The following TMEM132D variants were observed in gnomAD, a reference collection of about 807,000 sequenced individuals.
The protein encoded by TMEM132D is mature OL transmembrane protein.
TMEM132D carries 21 observed loss-of-function variants against 62.3 expected under a neutral mutation model. That is an observed-to-expected ratio of 0.34 (90% confidence interval 0.24 to 0.49). The LOEUF is 0.49. Among genes scored for constraint, TMEM132D ranks in the 20% least tolerant of loss-of-function variants. The pLI, the probability that TMEM132D is intolerant of heterozygous loss-of-function variation, is 0.99. For synonymous variants in TMEM132D, 621 were observed against 575.6 expected, an observed-to-expected ratio of 1.08 and a Z score of -1.13; for missense variants, 1,346 against 1,402.8, an observed-to-expected ratio of 0.96 and a Z score of 0.65.
intron 3 of TMEM132D, among the ~76,000 whole-genome samples, chr12:129,361,025 G>A (rs1181617347): frequency 6.6e-6 from 1 of 152,148 alleles, no homozygotes; most frequent in Non-Finnish European, 1.5e-5. Context: ...ATCCTGGGGT[G>A]CACCGGGACA....
chr12:129,153,231 G>C (rs920300025), intron 5 of TMEM132D, among the ~76,000 whole-genome samples: 4 of 152,260 alleles, frequency 2.6e-5, no homozygotes, highest in African/African-American at 9.6e-5. Context: ...CAGACACTGG[G>C]AGGAAAGGAG....
intron 4 of TMEM132D, among the ~76,000 whole-genome samples, chr12:129,295,115 G>A (rs1881535987): frequency 6.6e-6 from 1 of 152,228 alleles, no homozygotes; most frequent in South Asian, 2.1e-4. Flanking sequence ...CTGCAAGGAA[G>A]AGAGAATTCT....
At chr12:129,400,753 T>C (rs1593365526) in intron 3 of TMEM132D, among the ~76,000 whole-genome samples, 2 of 152,176 alleles carry the variant, frequency 1.3e-5, no homozygotes, top group South Asian at 2.1e-4. Context: ...TTGGGGAAAA[T>C]ATGTAATCTT....
At chr12:129,602,625 C>T (rs1878510936) in intron 2 of TMEM132D, among the ~76,000 whole-genome samples, 2 of 152,104 alleles carry the variant, frequency 1.3e-5, no homozygotes, top group African/African-American at 4.8e-5. Flanking sequence ...TTCAACAGAC[C>T]TTGTTTTTCA....
intron 1 of TMEM132D, among the ~76,000 whole-genome samples, chr12:129,783,519 C>T (rs780512850): frequency 5.3e-5 from 8 of 152,118 alleles, no homozygotes; most frequent in Non-Finnish European, 7.3e-5. Context: ...TGTGAACAAA[C>T]GAGAATTATA....
At chr12:129,832,430 A>G (rs997704301) in intron 1 of TMEM132D, among the ~76,000 whole-genome samples, 4 of 152,082 alleles carry the variant, frequency 2.6e-5, no homozygotes. Context: ...CATATCGAAT[A>G]GGACATATAT....
chr12:129,415,623 A>G (rs1355553047), intron 3 of TMEM132D, among the ~76,000 whole-genome samples: 1 of 152,212 alleles, frequency 6.6e-6, no homozygotes, highest in Non-Finnish European at 1.5e-5. Flanking sequence ...CTTTCTCAGC[A>G]GAGTCTACCT....
intron 1 of TMEM132D, chr12:129,853,630 G>T (rs1256837875): frequency 6.6e-6 from 1 of 152,170 alleles, no homozygotes; most frequent in Non-Finnish European, 1.5e-5. Context: ...TGGCACATGG[G>T]AGGTCGTGGC....
intron 1 of TMEM132D, among the ~76,000 whole-genome samples, chr12:129,771,432 G>A (rs1870748717): frequency 6.6e-6 from 1 of 152,212 alleles, no homozygotes; most frequent in African/African-American, 2.4e-5. Flanking sequence ...GTAATTGCCA[G>A]GTAAGCATCC....
chr12:129,745,729 T>A (rs534262945), intron 1 of TMEM132D, among the ~76,000 whole-genome samples: 6 of 152,204 alleles, frequency 3.9e-5, no homozygotes, highest in Non-Finnish European at 8.8e-5. Context: ...TGGAGGTAAC[T>A]CTGGAACAGA....
At chr12:129,774,181 C>T (rs1870847077) in intron 1 of TMEM132D, among the ~76,000 whole-genome samples, 1 of 152,176 alleles carries the variant, frequency 6.6e-6, no homozygotes, top group South Asian at 2.1e-4. Flanking sequence ...CCCAGGCCCC[C>T]CCAAAGAAGG....
intron 5 of TMEM132D, among the ~76,000 whole-genome samples, chr12:129,103,395 A>C (rs1593261917): frequency 6.6e-6 from 1 of 151,984 alleles, no homozygotes; most frequent in South Asian, 2.1e-4. Context: ...CCATGCCCCC[A>C]CCTCGGAGGC....
At chr12:129,092,303 CTTTT>C (rs3045890) in intron 5 of TMEM132D, among the ~76,000 whole-genome samples, 1 of 133,898 alleles carries the variant, frequency 7.5e-6, no homozygotes, top group African/African-American at 2.8e-5. Flanking sequence ...TCTCTCTTTC[CTTTT>C]TTTTTTTTTT....
chr12:129,808,233 C>T (rs1012132675), intron 1 of TMEM132D, among the ~76,000 whole-genome samples: 4 of 152,202 alleles, frequency 2.6e-5, no homozygotes, highest in African/African-American at 7.2e-5. Flanking sequence ...CGAATGAGCC[C>T]TATCCTTTAT....
chr12:129,895,817 G>T (rs1251778353), intron 1 of TMEM132D, among the ~76,000 whole-genome samples: 1 of 114,200 alleles, frequency 8.8e-6, no homozygotes, highest in African/African-American at 3.8e-5. Flanking sequence ...CTTTCCCCTA[G>T]TAAAAAAAAA....
intron 1 of TMEM132D, among the ~76,000 whole-genome samples, chr12:129,891,498 A>C (rs764366389): frequency 2.0e-5 from 3 of 152,254 alleles, no homozygotes; most frequent in Non-Finnish European, 4.4e-5. Context: ...GCCATTGCTA[A>C]GAGCATCAGG....
chr12:129,205,307 A>C (rs186246246), intron 5 of TMEM132D, among the ~76,000 whole-genome samples: 25 of 151,898 alleles, frequency 1.6e-4, no homozygotes, highest in Admixed American at 5.2e-4. Context: ...CTCAAAATAA[A>C]GGGATGGAGA....
intron 3 of TMEM132D, among the ~76,000 whole-genome samples, chr12:129,446,753 C>T (rs1336258627): frequency 6.6e-6 from 1 of 152,120 alleles, no homozygotes; most frequent in East Asian, 1.9e-4. Context: ...ATATTCCAGG[C>T]TTTGATTTTT....
At chr12:129,834,775 A>G (rs1872951317) in intron 1 of TMEM132D, among the ~76,000 whole-genome samples, 1 of 152,108 alleles carries the variant, frequency 6.6e-6, no homozygotes, top group Non-Finnish European at 1.5e-5. Context: ...GAATCTCACC[A>G]TTTTGAAGTG....
Sources: allele counts gnomAD v4.1 joint callset (sites outside exome capture counted in the v4.1 genomes callset), GRCh38; gene constraint gnomAD v4.1.1; transcripts MANE v1.5; gene names NCBI Gene and HGNC (gene_info 2026-07-23, HGNC 2026-07-21).